The following ERBB4 variants were observed in gnomAD, a reference collection of about 807,000 sequenced individuals.
ERBB4 encodes the protein erb-b2 receptor tyrosine kinase 4.
In ERBB4, 42 loss-of-function variants were observed where a neutral mutation model predicts 158.0. That is an observed-to-expected ratio of 0.27 (90% CI 0.21 to 0.34). The LOEUF is 0.34. Among genes scored for constraint, ERBB4 ranks in the 10% least tolerant of loss-of-function variants. ERBB4 has a pLI of 1.00. For missense variants in ERBB4, 1,333 were observed against 1,624.1 expected (o/e 0.82, Z 3.08); for synonymous variants, 583 against 558.7 (o/e 1.04, Z -0.61).
chr2:212,134,595 T>C (rs2080210414), intron 1 of ERBB4, among the ~76,000 whole-genome samples: 1 of 151,846 alleles, frequency 6.6e-6, no homozygotes, highest in African/African-American at 2.4e-5. Flanking sequence ...TTATGTATTA[T>C]CTGAATCTTT....
intron 1 of ERBB4, among the ~76,000 whole-genome samples, chr2:212,281,151 C>A (rs762040260): frequency 1.3e-5 from 2 of 151,450 alleles, no homozygotes; most frequent in African/African-American, 4.8e-5. Flanking sequence ...CTTCTGAAAC[C>A]GTCACAGATC....
At chr2:212,371,281 A>T (rs866207786) in intron 1 of ERBB4, among the ~76,000 whole-genome samples, 1 of 152,216 alleles carries the variant, frequency 6.6e-6, no homozygotes, top group Non-Finnish European at 1.5e-5. Flanking sequence ...CCATTGTTAC[A>T]TTATAACAAA....
At position 211,692,541 on chromosome 2, in the gene ERBB4, T is replaced by C. The variant is rs564625102; in HGVS notation, c.1489+9426A>G. Among the ~76,000 whole-genome samples, 29 of 152,256 alleles carry C rather than the reference T, an allele frequency of 1.9e-4. No individual in the cohort carries two copies. In the South Asian group the frequency reaches 6.0e-3, roughly 32 times the overall value. On this transcript the variant is annotated intron_variant, in intron 12 of 27. Transcript: ENST00000342788. ...AGGTGTCAGCAAGGCTGATTGCTTC[T>C]GAAGTCTCCAGGAGAGAATTTGTTC...
chr2:212,085,674 CTT>C (rs1214294309), intron 2 of ERBB4, among the ~76,000 whole-genome samples: 1 of 151,680 alleles, frequency 6.6e-6, no homozygotes, highest in Non-Finnish European at 1.5e-5. Context: ...AGTTGAGACT[CTT>C]TTTTAGGAAA....
chr2:211,764,962 T>C (rs999757936), intron 4 of ERBB4, among the ~76,000 whole-genome samples: 2 of 152,192 alleles, frequency 1.3e-5, no homozygotes, highest in Non-Finnish European at 2.9e-5. Context: ...GTTAAAAAGA[T>C]GATTTGGGTC....
chr2:211,886,344 T>C (rs540376682), intron 3 of ERBB4, among the ~76,000 whole-genome samples: 105 of 152,318 alleles, frequency 6.9e-4, no homozygotes, highest in Non-Finnish European at 1.3e-3. Flanking sequence ...AGAACATAAA[T>C]TTGGTTCACT....
intron 2 of ERBB4, among the ~76,000 whole-genome samples, chr2:211,982,327 A>G (rs1461858790): frequency 6.6e-6 from 1 of 152,208 alleles, no homozygotes; most frequent in Non-Finnish European, 1.5e-5. Context: ...TAAGTGAGTC[A>G]GTGTTTCCTA....
At chr2:211,438,989 AGTGTGT>A (rs58211149) in intron 20 of ERBB4, among the ~76,000 whole-genome samples, 5,750 of 149,182 alleles carry the variant, frequency 0.039, 356 homozygotes, top group African/African-American at 0.13. Flanking sequence ...AATATATTTG[AGTGTGT>A]GTGTGTGTGT....
At chr2:212,245,837 G>A (rs2084288012) in intron 1 of ERBB4, among the ~76,000 whole-genome samples, 1 of 152,082 alleles carries the variant, frequency 6.6e-6, no homozygotes, top group African/African-American at 2.4e-5. Context: ...TTTTTCTTGT[G>A]CTCTCTGAGA....
At chr2:212,348,149 G>A (rs1047157317) in intron 1 of ERBB4, among the ~76,000 whole-genome samples, 1 of 152,080 alleles carries the variant, frequency 6.6e-6, no homozygotes, top group Non-Finnish European at 1.5e-5. Context: ...GGAAGATCGT[G>A]ATAGTCTGTC....
At chr2:211,588,144 G>T (rs2068344141) in intron 19 of ERBB4, among the ~76,000 whole-genome samples, 1 of 151,986 alleles carries the variant, frequency 6.6e-6, no homozygotes, top group Admixed American at 6.6e-5. Flanking sequence ...GTATTAAGAA[G>T]AAAAATAAGA....
chr2:211,778,096 G>A (rs1485791378), intron 4 of ERBB4, among the ~76,000 whole-genome samples: 1 of 152,056 alleles, frequency 6.6e-6, no homozygotes, highest in East Asian at 1.9e-4. Flanking sequence ...CCCACCATTG[G>A]GGGAAAAAGG....
intron 12 of ERBB4, among the ~76,000 whole-genome samples, chr2:211,690,429 C>T (rs2371275): frequency 0.6 from 90,488 of 151,936 alleles, 27,078 homozygotes; most frequent in African/African-American, 0.62. Flanking sequence ...TCAGCTTCAC[C>T]CAAAATCTTA....
chr2:212,264,835 G>A (rs75541927), intron 1 of ERBB4, among the ~76,000 whole-genome samples: 2 of 152,056 alleles, frequency 1.3e-5, no homozygotes, highest in South Asian at 2.1e-4. Flanking sequence ...AAATGATCAC[G>A]TGAATGAACA....
At chr2:211,573,038 C>T (rs575943647) in intron 19 of ERBB4, among the ~76,000 whole-genome samples, 2 of 152,230 alleles carry the variant, frequency 1.3e-5, no homozygotes, top group East Asian at 3.9e-4. Context: ...GGGAAAAGGT[C>T]TGTGCAGATA....
intron 1 of ERBB4, among the ~76,000 whole-genome samples, chr2:212,326,519 C>T (rs189097919): frequency 4.0e-5 from 6 of 150,906 alleles, no homozygotes; most frequent in Non-Finnish European, 7.4e-5. Context: ...TTTGAATACG[C>T]TTTAGCCCAA....
intron 19 of ERBB4, among the ~76,000 whole-genome samples, chr2:211,566,957 C>T (rs2067568427): frequency 6.6e-6 from 1 of 152,154 alleles, no homozygotes; most frequent in African/African-American, 2.4e-5. Flanking sequence ...GTAGCAAGTA[C>T]CCTTGTTAAA....
intron 3 of ERBB4, among the ~76,000 whole-genome samples, chr2:211,929,013 ATAAT>A (rs1467014420): frequency 6.6e-6 from 1 of 152,124 alleles, no homozygotes; most frequent in East Asian, 1.9e-4. Context: ...ATAGTTTTAA[ATAAT>A]TAAATACACA....
At chr2:212,016,161 C>CT (rs879889039) in intron 2 of ERBB4, among the ~76,000 whole-genome samples, 1,671 of 145,058 alleles carry the variant, frequency 0.012, 28 homozygotes, top group African/African-American at 0.038. Flanking sequence ...TATATTTTAA[C>CT]TTTTTTTTTT....
Sources: gnomAD v4.1 joint callset for allele counts (sites outside exome capture counted in the v4.1 genomes callset) on GRCh38, gnomAD v4.1.1 for gene constraint, MANE v1.5 for transcripts, NCBI Gene and HGNC (gene_info 2026-07-23, HGNC 2026-07-21) for gene names.